POLR3K: variants seen among roughly 807,000 people sequenced by gnomAD.
POLR3K encodes DNA-directed RNA polymerase III subunit RPC10.
A neutral mutation model predicts 13.5 loss-of-function variants in POLR3K; 11 were observed. The ratio of observed to expected loss-of-function variants is 0.81; its 90% CI spans 0.51 to 1.35. The LOEUF (loss-of-function observed/expected upper bound fraction) is 1.35, where lower values mean the gene tolerates loss of function less well. Ranked by LOEUF, POLR3K falls within the 40% of genes most tolerant of loss-of-function variation. POLR3K has a pLI of 0.00. For synonymous variants in POLR3K, 56 were observed against 51.5 expected, an observed-to-expected ratio of 1.09 and a Z score of -0.38; for missense variants, 144 against 145.3, an observed-to-expected ratio of 0.99 and a Z score of 0.05.
intron 2 of POLR3K, among the ~76,000 whole-genome samples, chr16:48,719 G>A (rs563378733): frequency 4.6e-5 from 7 of 151,952 alleles, no homozygotes; most frequent in African/African-American, 1.7e-4. Context: ...GCTGAGGCAA[G>A]AGAATTGCGT....
In POLR3K at chr16:53,471, C is replaced by T. The variant is rs1897363185; in HGVS notation, c.111+5G>A. ...CCGCGCCCAGCGCCGGCCTTCGGGT[C>T]CCACCTTGCGGGTGATGTTGTGCAC... is the stretch of plus-strand genomic sequence containing the variant. On this transcript the variant is annotated splice_donor_5th_base_variant and intron_variant, in intron 1 of 2. Transcript: ENST00000293860. The T allele has an allele frequency of 6.2e-7, 1 of 1,606,608 alleles. No homozygotes were observed. The highest frequency in any genetic ancestry group is 2.2e-5 in the East Asian group (1 of 44,468).
chr16:48,028 TAC>T (rs796355448), intron 2 of POLR3K, among the ~76,000 whole-genome samples: 35 of 149,600 alleles, frequency 2.3e-4, no homozygotes, highest in East Asian at 1.0e-3. Context: ...TAGCTGGGAT[TAC>T]AGTTGCCCGC....
At position 50,206 on chromosome 16, in the gene POLR3K, G is replaced by A. The variant is rs887833661; in HGVS notation, c.199+1352C>T. Among the ~76,000 whole-genome samples the A allele has an allele frequency of 7.9e-5, 12 of 151,766 alleles. 1 individual carries two copies. Among genetic ancestry groups the A allele is most frequent in the South Asian group, 4.2e-4 (2 of 4,804 alleles). On this transcript the variant is annotated intron_variant, in intron 2 of 2. Transcript: ENST00000293860. ...ACTCCTGACCTCAGGTGATCCGCCC[G>A]CCTCGGCCTCCCAAAGTGCTGAGAT...
chr16:50,195 G>C (rs1265864179), intron 2 of POLR3K, among the ~76,000 whole-genome samples: 9 of 152,086 alleles, frequency 5.9e-5, no homozygotes, highest in Admixed American at 5.9e-4. Context: ...CTGACCTCAG[G>C]TGATCCGCCC....
At chr16:47,892 C>CTTTTT (rs747985712) in intron 2 of POLR3K, among the ~76,000 whole-genome samples, 1 of 99,730 alleles carries the variant, frequency 1.0e-5, no homozygotes, top group Non-Finnish European at 1.8e-5. Context: ...ACTATAATAT[C>CTTTTT]TTTTTTTTTT....
intron 1 of POLR3K, 184 bp from the exon 2 acceptor site, chr16:51,829 GC>G (rs1897333842): frequency 2.0e-6 from 1 of 508,352 alleles, no homozygotes; most frequent in Admixed American, 3.5e-5. Flanking sequence ...GACCATCCTG[GC>G]TAACACGGTG....
At chr16:53,249 C>A in intron 1 of POLR3K, 2 of 844,818 alleles carry the variant, frequency 2.4e-6, no homozygotes, top group Non-Finnish European at 3.4e-6. Flanking sequence ...GCTGTGAACG[C>A]AGAGAAGGGC....
chr16:52,382 G>A (rs1897341502), intron 1 of POLR3K, among the ~76,000 whole-genome samples: 3 of 147,578 alleles, frequency 2.0e-5, no homozygotes, highest in Middle Eastern at 7.1e-3. Context: ...GGGAGGCAGA[G>A]GTTGCAGTGA....
At position 47,277 on chromosome 16, in the gene POLR3K, A is replaced by G. The variant is rs974572400; in HGVS notation, c.*153T>C. 3 of 992,500 alleles carry G rather than the reference A, an allele frequency of 3.0e-6. No homozygotes were observed. Among genetic ancestry groups the G allele is most frequent in the Non-Finnish European group, 2.8e-6 (2 of 714,722 alleles). The allele number at this position is 992,500 out of a possible 1,614,324, so 61.5% of individuals were successfully genotyped here. On this transcript the variant is annotated 3_prime_UTR_variant, in exon 3 of 3. Transcript: ENST00000293860. Reference sequence around the variant, plus strand: ...ATCCACCCTGCCTGGCAGATAGGCCATATTTCCTGACCCCCTGGCTCTTCA... The same window carrying G: ...ATCCACCCTGCCTGGCAGATAGGCCGTATTTCCTGACCCCCTGGCTCTTCA...
chr16:49,386 C>T (rs930909681), intron 2 of POLR3K, among the ~76,000 whole-genome samples: 2 of 150,940 alleles, frequency 1.3e-5, no homozygotes, highest in Non-Finnish European at 3.0e-5. Flanking sequence ...TGCAGTGAGC[C>T]GAGATCACAC....
chr16:50,691 T>A (rs2141834335), intron 2 of POLR3K, among the ~76,000 whole-genome samples: 1 of 152,126 alleles, frequency 6.6e-6, no homozygotes. Context: ...CCCGGCTAAT[T>A]ATTTTATCTT....
Position 47,511 on chromosome 16 carries a change from A to G in POLR3K, c.246T>C (p.Leu82=). 6.2e-7 allele frequency: 1 copy of G among 1,613,798 alleles called. No individual in the cohort carries two copies. The highest frequency in any genetic ancestry group is 1.3e-5 in the African/African-American group (1 of 75,030). ...CEHPRAYFMQ[L]QTRSADEPMT... is the part of the protein sequence containing the mutation. ...TCGGCTCATCTGCAGAGCGGGTCTG[A>G]AGCTGCATGAAGTAAGCACGAGGAT... Residue 82 remains leucine, a synonymous_variant, in exon 3 of 3, where the codon CTT becomes CTC. Transcript: ENST00000293860.
At chr16:51,249 C>T (rs1368964772) in intron 2 of POLR3K, among the ~76,000 whole-genome samples, 4 of 152,162 alleles carry the variant, frequency 2.6e-5, no homozygotes, top group African/African-American at 9.7e-5. Context: ...GTATAATTCA[C>T]TTTATGCTCT....
intron 1 of POLR3K, chr16:52,933 A>AC (rs1437362842): frequency 1.3e-5 from 2 of 153,562 alleles, no homozygotes; most frequent in African/African-American, 4.8e-5. Flanking sequence ...TAAAGACAAG[A>AC]CCAATGAGTA....
At chr16:49,989 G>T (rs543505441) in intron 2 of POLR3K, among the ~76,000 whole-genome samples, 8 of 150,822 alleles carry the variant, frequency 5.3e-5, no homozygotes, top group Admixed American at 4.6e-4. Context: ...ACAGAGTTTC[G>T]TTCTTGTTGC....
intron 1 of POLR3K, among the ~76,000 whole-genome samples, chr16:52,788 A>AT (rs1897351957): frequency 3.9e-5 from 1 of 25,912 alleles, no homozygotes; most frequent in African/African-American, 1.3e-4. Flanking sequence ...AAAAAAAAAA[A>AT]AAAAAAACAA....
In POLR3K at chr16:53,552, A is replaced by G; in HGVS notation, c.35T>C (p.Leu12Pro). 1 of 1,613,210 alleles carries G rather than the reference A, an allele frequency of 6.2e-7. No homozygotes were observed. The highest frequency in any genetic ancestry group is 2.2e-5 in the East Asian group (1 of 44,726). ...LLFCPGCGNGLIVEEGQRCHR... is the reference protein window; with the variant it reads ...LLFCPGCGNGPIVEEGQRCHR... The stretch of plus-strand genomic sequence containing the variant: ...GCAGCGTTGTCCCTCCTCCACGATC[A>G]GCCCGTTCCCGCAGCCGGGGCAGAA... The change falls in exon 1 of 3, where the codon CTG becomes CCG. Residue 12 changes from leucine to proline, a missense_variant. Transcript: ENST00000293860.
intron 2 of POLR3K, among the ~76,000 whole-genome samples, chr16:49,639 TG>T (rs2141833836): frequency 6.7e-6 from 1 of 149,966 alleles, no homozygotes; most frequent in Non-Finnish European, 1.5e-5. Flanking sequence ...CTGGCTAATT[TG>T]TTTTTTTTTT....
intron 1 of POLR3K, 122 bp downstream of exon 1, chr16:53,354 A>G: frequency 6.9e-7 from 1 of 1,441,356 alleles, no homozygotes; most frequent in African/African-American, 1.5e-5. Context: ...GCAGACCAGA[A>G]AGGGGCGCGA....
Sources: gnomAD v4.1 joint callset for allele counts (sites outside exome capture counted in the v4.1 genomes callset) on GRCh38, gnomAD v4.1.1 for gene constraint, MANE v1.5 for transcripts, NCBI Gene and HGNC (gene_info 2026-07-23, HGNC 2026-07-21) for gene names.